CEP89: variants seen among roughly 807,000 people sequenced by gnomAD.
CEP89 encodes the protein centrosomal protein 89, also known as centrosomal protein of 89 kDa.
In CEP89, 95 loss-of-function variants were observed where a neutral mutation model predicts 97.6. That is an observed-to-expected ratio of 0.97 (90% CI 0.82 to 1.15). The LOEUF is 1.15. CEP89 is among the 50% of genes most tolerant of loss of function. The probability of loss-of-function intolerance (pLI) is 0.00; values close to 1 mark genes in which losing one functional copy is unlikely to be tolerated. For synonymous variants in CEP89, 354 were observed against 349.1 expected (o/e 1.01, Z -0.16); for missense variants, 869 against 947.7 (o/e 0.92, Z 1.09).
At chr19:32,886,039 C>A (rs1372562356) in intron 17 of CEP89, among the ~76,000 whole-genome samples, 1 of 152,192 alleles carries the variant, frequency 6.6e-6, no homozygotes, top group African/African-American at 2.4e-5. Context: ...GGCCTTGCTG[C>A]CTCTTCCTGA....
At chr19:32,927,294 C>T (rs1341899817) in intron 9 of CEP89, among the ~76,000 whole-genome samples, 3 of 151,956 alleles carry the variant, frequency 2.0e-5, no homozygotes, top group Middle Eastern at 3.2e-3. Flanking sequence ...ATATAATGCC[C>T]CTTTTCCTCT....
intron 2 of CEP89, among the ~76,000 whole-genome samples, chr19:32,961,524 A>T (rs1359151262): frequency 6.9e-6 from 1 of 144,552 alleles, no homozygotes; most frequent in Non-Finnish European, 1.5e-5. Context: ...GCTTGCAGTG[A>T]GCCGAGATCG....
chr19:32,962,394 TACC>T (rs1680269768), intron 2 of CEP89, among the ~76,000 whole-genome samples: 1 of 152,200 alleles, frequency 6.6e-6, no homozygotes, highest in African/African-American at 2.4e-5. Context: ...GCTTATAAAT[TACC>T]ACATCTGAGG....
At position 32,876,358 on chromosome 19, in the gene CEP89, A is replaced by G. The variant is rs1969180024; in HGVS notation, c.*2804T>C. The G allele has an allele frequency of 1.3e-5, 2 of 152,358 alleles. No individual in the cohort carries two copies. The highest frequency in any genetic ancestry group is 1.3e-4 in the Admixed American group (2 of 15,268). 9.4% of individuals were successfully genotyped at this position (152,358 alleles called of 1,614,324 possible). A position where few individuals can be genotyped will look rare whatever the true frequency, so the allele number is the denominator to read the frequency against. ...ACAGCTGCTTGACCAGGAATCTTCC[A>G]ATGCCGTATGAAACCTCACCAGGAC... On this transcript the variant is annotated 3_prime_UTR_variant, in exon 19 of 19. Coordinates refer to ENST00000305768, the MANE Select transcript of CEP89 (RefSeq NM_032816.5).
At chr19:32,925,412 C>A (rs566511374) in intron 11 of CEP89, among the ~76,000 whole-genome samples, 1 of 151,990 alleles carries the variant, frequency 6.6e-6, no homozygotes, top group East Asian at 1.9e-4. Context: ...GTCAGCTCAT[C>A]CTAGAATTAA....
At chr19:32,918,878 C>CTTTTCTTTTTTTTTTTTT (rs1568559832) in intron 12 of CEP89, among the ~76,000 whole-genome samples, 6 of 110,836 alleles carry the variant, frequency 5.4e-5, no homozygotes, top group African/African-American at 7.1e-5. Context: ...TTTTCTTTTT[C>CTTTTCTTTTTTTTTTTTT]TTTTTCTTTT....
intron 11 of CEP89, 52 bp from the exon 12 acceptor site, chr19:32,923,594 T>C (rs771774172): frequency 2.6e-6 from 3 of 1,160,108 alleles, no homozygotes; most frequent in Non-Finnish European, 3.9e-6. Flanking sequence ...CGCATCTATA[T>C]TTCTCAGTTC....
chr19:32,932,467 C>T (rs545263478), intron 8 of CEP89, among the ~76,000 whole-genome samples: 1 of 151,760 alleles, frequency 6.6e-6, no homozygotes, highest in South Asian at 2.1e-4. Context: ...ATTTATATAA[C>T]CTTAGAGTTA....
chr19:32,918,955 G>A (rs1417997012), intron 12 of CEP89, among the ~76,000 whole-genome samples: 1 of 148,242 alleles, frequency 6.7e-6, no homozygotes, highest in African/African-American at 2.5e-5. Flanking sequence ...CGCAATCTCG[G>A]CTCACTGCAA....
chr19:32,937,250 G>C, intron 7 of CEP89: 1 of 276,622 alleles, frequency 3.6e-6, no homozygotes, highest in Non-Finnish European at 6.9e-6. Context: ...GCCCATAACT[G>C]CACCTGCCTT....
At chr19:32,942,675 CT>C (rs948589351) in intron 5 of CEP89, among the ~76,000 whole-genome samples, 3 of 152,106 alleles carry the variant, frequency 2.0e-5, no homozygotes, top group African/African-American at 7.2e-5. Flanking sequence ...TGTGAATCTA[CT>C]TTGTGTCCTG....
intron 1 of CEP89, among the ~76,000 whole-genome samples, chr19:32,967,242 C>G (rs1037323585): frequency 1.3e-5 from 2 of 152,138 alleles, no homozygotes; most frequent in Non-Finnish European, 2.9e-5. Context: ...GTAATGAAAA[C>G]TAGCTCCTAT....
In CEP89 at chr19:32,948,335, C is replaced by T. The variant is rs909171277; in HGVS notation, c.526G>A (p.Asp176Asn). 4.3e-6 allele frequency: 7 copies of T among 1,610,796 alleles called. No individual in the cohort carries two copies. The highest frequency in any genetic ancestry group is 1.3e-5 in the African/African-American group (1 of 74,872). Reference sequence around the variant, plus strand: ...CCATCTTGATGAGAAATATTTTCATCGTCTTCACTGTTCACCTCATGTAAC... The same window carrying T: ...CCATCTTGATGAGAAATATTTTCATTGTCTTCACTGTTCACCTCATGTAAC... ...PLLHEVNSED[D>N]ENISHQDGFP... is the part of the protein sequence containing the mutation. The change falls in exon 5 of 19, where the codon GAT becomes AAT. Residue 176 changes from aspartate (D) to asparagine (N), a missense_variant. Coordinates refer to ENST00000305768, the MANE Select transcript of CEP89 (RefSeq NM_032816.5).
chr19:32,886,870 T>C (rs968537314), intron 17 of CEP89, among the ~76,000 whole-genome samples: 18 of 151,428 alleles, frequency 1.2e-4, no homozygotes, highest in African/African-American at 4.4e-4. Flanking sequence ...CTTTTTTTTT[T>C]TTTCTTAAAG....
chr19:32,908,912 G>C (rs939984043), intron 14 of CEP89, among the ~76,000 whole-genome samples: 1 of 152,182 alleles, frequency 6.6e-6, no homozygotes, highest in African/African-American at 2.4e-5. Context: ...GGCAAGCCTC[G>C]AGGTGTGGTG....
intron 16 of CEP89, among the ~76,000 whole-genome samples, chr19:32,891,755 T>C (rs1296647577): frequency 6.6e-6 from 1 of 150,604 alleles, no homozygotes; most frequent in African/African-American, 2.4e-5. Context: ...AGTGATAGAC[T>C]AGATCAAGCA....
intron 5 of CEP89, 130 bp downstream of exon 5, chr19:32,948,136 T>G (rs1333149025): frequency 5.4e-6 from 3 of 553,668 alleles, no homozygotes; most frequent in Non-Finnish European, 9.6e-6. Context: ...TAAATTTCAA[T>G]TATATTCCTA....
At chr19:32,902,004 C>CTGTGTGTGTGTGTGTGTGTGTGTGTG (rs1455977169) in intron 14 of CEP89, among the ~76,000 whole-genome samples, 47 of 100,324 alleles carry the variant, frequency 4.7e-4, no homozygotes, top group East Asian at 1.8e-3. Context: ...CTGTCTCTCT[C>CTGTGTGTGTGTGTGTGTGTGTGTGTG]TCTCTCTGTG....
chr19:32,920,567 T>C (rs12976592), intron 12 of CEP89, among the ~76,000 whole-genome samples: 29,443 of 152,092 alleles, frequency 0.19, 2,963 homozygotes, highest in Middle Eastern at 0.2. Context: ...CACTGCAGCC[T>C]CCACCTCCTG....
Sources: allele counts gnomAD v4.1 joint callset (sites outside exome capture counted in the v4.1 genomes callset), GRCh38; gene constraint gnomAD v4.1.1; transcripts MANE v1.5; gene names NCBI Gene and HGNC (gene_info 2026-07-23, HGNC 2026-07-21).